ATAD5: variants seen among roughly 807,000 people sequenced by gnomAD.
ATAD5 encodes the protein ATPase family AAA domain-containing protein 5.
ATAD5 carries 58 observed loss-of-function variants against 176.9 expected under a neutral mutation model. The ratio of observed to expected loss-of-function variants is 0.33; its 90% confidence interval spans 0.27 to 0.41. The LOEUF (loss-of-function observed/expected upper bound fraction) is 0.41. Ranked by LOEUF, ATAD5 falls within the 10% of genes least tolerant of loss-of-function variation. The probability of loss-of-function intolerance (pLI) is 1.00; values close to 1 mark genes in which losing one functional copy is unlikely to be tolerated. For missense variants in ATAD5, 1,789 were observed against 2,094.1 expected (o/e 0.85, Z 2.84); for synonymous variants, 640 against 712.6 (o/e 0.90, Z 1.62).
chr17:30,857,510 C>T (rs1907353516), intron 8 of ATAD5, among the ~76,000 whole-genome samples: 1 of 152,112 alleles, frequency 6.6e-6, no homozygotes, highest in African/African-American at 2.4e-5. Context: ...GCCACTGTAC[C>T]CAGCCTAATA....
intron 10 of ATAD5, chr17:30,863,948 A>T: frequency 6.6e-6 from 1 of 151,482 alleles, no homozygotes; most frequent in Non-Finnish European, 1.5e-5. Context: ...TACAGATGTG[A>T]ACCACCGAGC....
At position 30,844,011 on chromosome 17, in the gene ATAD5, A is replaced by T. The variant is rs891246730; in HGVS notation, c.2340A>T (p.Lys780Asn). 8.4e-6 allele frequency: 13 copies of T among 1,554,970 alleles called. No homozygotes were observed. The African/African-American group carries it at 1.5e-4, about 18-fold the overall frequency. ...LQCLNDVLGK[K>N]LNTSTKNVPG... is the part of the protein sequence containing the mutation. ...GTTTGAATGATGTGCTAGGAAAAAA[A>T]CTTAACACATCCACTAAAAATGTAC... Residue 780 changes from lysine (K) to asparagine (N), a missense_variant, in exon 5 of 23, where the codon AAA (lysine) becomes AAT (asparagine). Lys to Asn is a moderately conservative substitution (Grantham distance 94, BLOSUM62 0). Transcript: ENST00000321990.
Position 30,835,566 on chromosome 17 carries a change from CAGAG to C in ATAD5, c.1488_1491del (p.Gly498ThrfsTer11). On this transcript the variant is annotated frameshift_variant, in exon 2 of 23. Transcript: ENST00000321990. LOFTEE classifies it high-confidence loss of function. ...ATACTGGGGCTATTCCAGGCAAAAA[CAGAG>C]AGGGAAACACTCAAAAGAAAGAAAC... 6.2e-7 allele frequency: 1 copy of C among 1,611,366 alleles called. No homozygotes were observed. Among genetic ancestry groups the C allele is most frequent in the Non-Finnish European group, 8.5e-7 (1 of 1,178,718 alleles).
intron 20 of ATAD5, among the ~76,000 whole-genome samples, 185 bp downstream of exon 20, chr17:30,892,973 C>CATATT (rs1909717630): frequency 6.6e-6 from 1 of 152,078 alleles, no homozygotes; most frequent in Non-Finnish European, 1.5e-5. Flanking sequence ...GCTCTGAATG[C>CATATT]ATATTATAGG....
rs1905650959 is a variant in ATAD5 at position 30,835,283 on chromosome 17, A to G, written c.1202A>G (p.Gln401Arg). ...CCAAAATGCACTCTAGAAGAAAGAC[A>G]GCAATTTATGAAAGCATTTAGGCAG... ...VKPKCTLEERQQFMKAFRQPA... is the reference protein window; with the variant it reads ...VKPKCTLEERRQFMKAFRQPA... The change falls in exon 2 of 23, where the codon CAG (glutamine) becomes CGG (arginine). Residue 401 changes from glutamine to arginine, a missense_variant. By Grantham distance (43) the Gln-to-Arg change is conservative. Around this residue, in one of 6 missense-constraint regions of ATAD5, gnomAD observed 696 missense variants for 712.5 expected, o/e 0.98. Coordinates refer to ENST00000321990, the MANE Select transcript of ATAD5 (RefSeq NM_024857.5). The G allele has an allele frequency of 6.2e-7, 1 of 1,614,146 alleles. No individual in the cohort carries two copies. Among genetic ancestry groups the G allele is most frequent in the Non-Finnish European group, 8.5e-7 (1 of 1,180,022 alleles).
rs1286812119 is a variant in ATAD5 at position 30,893,559 on chromosome 17, C to T, written c.4706C>T (p.Thr1569Ile). Residue 1569 changes from threonine to isoleucine, a missense_variant, in exon 21 of 23, where the codon ACA (threonine) becomes ATA (isoleucine). By Grantham distance (89) the Thr-to-Ile change is moderately conservative. Transcript: ENST00000321990. ...TCCCAGAAAAAGAAACAAAAGAAAA[C>T]ATTGGTAATATTAGATGATAGTGAT... ...KKSQKKKQKK[T>I]LVILDDSDLF... 1.2e-6 allele frequency: 2 copies of T among 1,613,064 alleles called. No homozygotes were observed. The highest frequency in any genetic ancestry group is 1.7e-6 in the Non-Finnish European group (2 of 1,179,662).
intron 4 of ATAD5, among the ~76,000 whole-genome samples, chr17:30,843,712 A>G (rs1906284333): frequency 6.6e-6 from 1 of 150,846 alleles, no homozygotes. Context: ...GTACCCTGAT[A>G]TCATATAAAC....
chr17:30,847,375 G>A (rs1274561013), intron 6 of ATAD5, among the ~76,000 whole-genome samples: 1 of 151,998 alleles, frequency 6.6e-6, no homozygotes, highest in Non-Finnish European at 1.5e-5. Context: ...CTGTCGCCCA[G>A]GCTGGAGTGC....
chr17:30,846,953 A>T lies in ATAD5; in HGVS notation c.2450+2037A>T, dbSNP rs150088296. Among the ~76,000 whole-genome samples the T allele has an allele frequency of 1.6e-3, 240 of 151,196 alleles. 1 individual carries two copies. The highest frequency in any genetic ancestry group is 5.6e-3 in the African/African-American group (232 of 41,182). ...GGGCTGGTCTCTAACTCCTGACCTC[A>T]GGTGATCTGGCCCCCTCAGCCTCCC... On this transcript the variant is annotated intron_variant, in intron 6 of 22. Transcript: ENST00000321990.
rs750597301 is a variant in ATAD5, at chr17:30,860,523, A to G, written c.3047A>G (p.Tyr1016Cys). ...SKSKRKKPNE[Y>C]SKNLEKTNRK... ...TCAAAAAGAAAGAAACCAAATGAGT[A>G]TTCAAAAAATCTGGAGAAGACCAAT... The change falls in exon 10 of 23, where the codon TAT (tyrosine) becomes TGT (cysteine). Residue 1016 changes from tyrosine (Y) to cysteine (C), a missense_variant. Transcript: ENST00000321990. The G allele has an allele frequency of 5.6e-6, 9 of 1,600,046 alleles. No homozygotes were observed. The East Asian group carries it at 2.0e-4, about 36-fold the overall frequency.
chr17:30,864,849 C>T (rs1295203760), intron 10 of ATAD5: 1 of 151,690 alleles, frequency 6.6e-6, no homozygotes, highest in East Asian at 1.9e-4. Context: ...TGCATACTAT[C>T]CCATGGTGTA....
At chr17:30,890,567 G>A (rs542002139) in intron 19 of ATAD5, among the ~76,000 whole-genome samples, 3 of 151,124 alleles carry the variant, frequency 2.0e-5, no homozygotes, top group African/African-American at 7.3e-5. Flanking sequence ...GTCTACAGGC[G>A]TGTACCACCA....
At chr17:30,847,554 A>G (rs963123957) in intron 6 of ATAD5, among the ~76,000 whole-genome samples, 2 of 148,192 alleles carry the variant, frequency 1.3e-5, no homozygotes, top group Admixed American at 6.7e-5. Flanking sequence ...CTGGTCTTGA[A>G]CTCCTGACCT....
chr17:30,842,532 A>G (rs1380059637), intron 4 of ATAD5, among the ~76,000 whole-genome samples: 4 of 152,052 alleles, frequency 2.6e-5, no homozygotes, highest in East Asian at 1.9e-4. Context: ...TGTATTCCCA[A>G]TTTCTTCTAT....
chr17:30,835,917 T>C lies in ATAD5; in HGVS notation c.1836T>C (p.Ile612=). The C allele has an allele frequency of 6.2e-7, 1 of 1,614,068 alleles. No individual in the cohort carries two copies. The highest frequency in any genetic ancestry group is 8.5e-7 in the Non-Finnish European group (1 of 1,179,944). Residue 612 remains isoleucine (I), a synonymous_variant, in exon 2 of 23, where the codon ATT becomes ATC. Transcript: ENST00000321990. Reference sequence around the variant, plus strand: ...CTACTACAGAAACCATTAGAGGTATTGATTCTGACGATGTACAAGATAATA... The same window carrying C: ...CTACTACAGAAACCATTAGAGGTATCGATTCTGACGATGTACAAGATAATA... ...STPTTETIRG[I]DSDDVQDNSQ...
At chr17:30,872,927 T>C (rs962126194) in intron 14 of ATAD5, among the ~76,000 whole-genome samples, 1 of 152,182 alleles carries the variant, frequency 6.6e-6, no homozygotes, top group Non-Finnish European at 1.5e-5. Flanking sequence ...TATGGAAATT[T>C]TCTCAGGGCA....
intron 10 of ATAD5, among the ~76,000 whole-genome samples, chr17:30,863,664 C>CT (rs58611804): frequency 0.31 from 33,056 of 107,130 alleles, 6,475 homozygotes; most frequent in African/African-American, 0.49. Flanking sequence ...CCGCGTCCGG[C>CT]TTTTTTTTTT....
chr17:30,853,941 A>G (rs1020019601), intron 6 of ATAD5, among the ~76,000 whole-genome samples: 4 of 152,032 alleles, frequency 2.6e-5, no homozygotes, highest in Non-Finnish European at 4.4e-5. Flanking sequence ...GTTTAGCAAG[A>G]AAACAAAAGA....
In ATAD5 at chr17:30,843,944, C is replaced by T. The variant is rs137960256; in HGVS notation, c.2273C>T (p.Thr758Ile). Residue 758 changes from threonine to isoleucine, a missense_variant, in exon 5 of 23, where the codon ACT (threonine) becomes ATT (isoleucine). Coordinates refer to ENST00000321990, the MANE Select transcript of ATAD5 (RefSeq NM_024857.5). Reference protein sequence around the residue: ...DSVIIIDSSPTALKHPEKNQK... With the variant: ...DSVIIIDSSPIALKHPEKNQK... ...GTTATAATAATAGATTCAAGTCCTA[C>T]TGCTTTAAAGCATCCAGAGAAAAAT... 212 of 1,477,164 alleles carry T rather than the reference C, an allele frequency of 1.4e-4. No individual in the cohort carries two copies. The highest frequency in any genetic ancestry group is 3.6e-4 in the Middle Eastern group (2 of 5,628). The allele number at this position is 1,477,164 out of a possible 1,614,324, so 91.5% of individuals were successfully genotyped here. A position where few individuals can be genotyped will look rare whatever the true frequency, so the allele number is the denominator to read the frequency against.
Sources: gnomAD v4.1 joint callset for allele counts (sites outside exome capture counted in the v4.1 genomes callset) on GRCh38, gnomAD v4.1.1 for gene constraint, gnomAD v4.1.1 regional missense constraint, MANE v1.5 for transcripts, NCBI Gene and HGNC (gene_info 2026-07-23, HGNC 2026-07-21) for gene names.